Variants in SPAG9 observed in about 807,000 individuals in gnomAD.
SPAG9 encodes C-Jun-amino-terminal kinase-interacting protein 4.
A neutral mutation model predicts 166.5 loss-of-function variants in SPAG9; 35 were observed. That is an observed-to-expected ratio of 0.21 (90% CI 0.16 to 0.28). The LOEUF is 0.28. SPAG9 is among the 10% of genes least tolerant of loss of function. The pLI is 1.00. For synonymous variants in SPAG9, 534 were observed against 565.5 expected, an observed-to-expected ratio of 0.94 and a Z score of 0.79; for missense variants, 1,235 against 1,603.3, an observed-to-expected ratio of 0.77 and a Z score of 3.92.
chr17:51,079,008 T>C (rs1291538348), intron 2 of SPAG9, among the ~76,000 whole-genome samples: 1 of 152,112 alleles, frequency 6.6e-6, no homozygotes, highest in Admixed American at 6.6e-5. Context: ...TAAAGCATAA[T>C]GTTAACTACA....
intron 1 of SPAG9, among the ~76,000 whole-genome samples, chr17:51,086,849 G>T (rs572176850): frequency 6.6e-6 from 1 of 152,286 alleles, no homozygotes; most frequent in South Asian, 2.1e-4. Context: ...TTGAACCCAG[G>T]CGGCAGAAGT....
chr17:50,999,550 A>G (rs2044836671), intron 14 of SPAG9, 111 bp downstream of exon 14: 1 of 1,468,384 alleles, frequency 6.8e-7, no homozygotes, highest in South Asian at 1.3e-5. Context: ...CTAGTTTAAA[A>G]AAAAAAAATG....
chr17:51,003,420 G>A (rs960286076), intron 12 of SPAG9, among the ~76,000 whole-genome samples: 1 of 152,094 alleles, frequency 6.6e-6, no homozygotes, highest in Non-Finnish European at 1.5e-5. Flanking sequence ...ATAGTTATAA[G>A]TTAGTTCCAT....
At chr17:51,049,709 G>A (rs138117881) in intron 3 of SPAG9, among the ~76,000 whole-genome samples, 163 of 152,100 alleles carry the variant, frequency 1.1e-3, no homozygotes, top group African/African-American at 3.4e-3. Flanking sequence ...ACATTCAAGC[G>A]ATTCTGCCTC....
chr17:51,033,151 T>C (rs764227383), intron 5 of SPAG9, among the ~76,000 whole-genome samples: 20 of 152,050 alleles, frequency 1.3e-4, no homozygotes, highest in Admixed American at 2.6e-4. Flanking sequence ...TAGCACGTCA[T>C]ACTTTTTTTG....
At chr17:51,056,374 T>C (rs917435703) in intron 3 of SPAG9, 38 bp downstream of exon 3, 5 of 1,155,290 alleles carry the variant, frequency 4.3e-6, no homozygotes, top group African/African-American at 1.5e-5. Context: ...TTTCTTTGTC[T>C]CAATAATAGC....
intron 6 of SPAG9, among the ~76,000 whole-genome samples, chr17:51,028,424 T>C (rs377072690): frequency 6.6e-6 from 1 of 152,200 alleles, no homozygotes; most frequent in Non-Finnish European, 1.5e-5. Context: ...AAGTGCCCTA[T>C]AGAGGTATAC....
At chr17:50,987,267 CTG>C (rs774061475) in intron 21 of SPAG9, 30 bp from the exon 22 acceptor site, 1 of 1,588,568 alleles carries the variant, frequency 6.3e-7, no homozygotes, top group Non-Finnish European at 8.6e-7. Context: ...GGAAAGAAAT[CTG>C]AGTATACTTA....
At chr17:51,053,397 C>T (rs903013567) in intron 3 of SPAG9, among the ~76,000 whole-genome samples, 2 of 151,370 alleles carry the variant, frequency 1.3e-5, no homozygotes, top group Non-Finnish European at 2.9e-5. Flanking sequence ...TAAAAATTGG[C>T]GTGCACTGGC....
chr17:51,015,204 T>C (rs1367698878), intron 8 of SPAG9, among the ~76,000 whole-genome samples: 1 of 152,030 alleles, frequency 6.6e-6, no homozygotes, highest in Non-Finnish European at 1.5e-5. Context: ...CAGAGAAAGC[T>C]GAAACCTAAG....
chr17:51,016,447 T>C (rs1320329423), intron 8 of SPAG9, among the ~76,000 whole-genome samples: 1 of 152,066 alleles, frequency 6.6e-6, no homozygotes, highest in Non-Finnish European at 1.5e-5. Flanking sequence ...TGCAGGAGAG[T>C]AAGCCCTAGG....
chr17:51,099,781 A>AC (rs1439780773), intron 1 of SPAG9, among the ~76,000 whole-genome samples: 4 of 150,470 alleles, frequency 2.7e-5, no homozygotes, highest in African/African-American at 9.7e-5. Context: ...AAAAAAAAAA[A>AC]AAAAAAAACT....
intron 24 of SPAG9, among the ~76,000 whole-genome samples, chr17:50,983,735 G>A (rs1974823301): frequency 6.6e-6 from 1 of 151,982 alleles, no homozygotes; most frequent in East Asian, 1.9e-4. Context: ...TTAGCTGAGT[G>A]GCCATGAAAA....
chr17:51,013,175 C>T (rs1039017704), intron 9 of SPAG9, among the ~76,000 whole-genome samples: 9 of 152,136 alleles, frequency 5.9e-5, no homozygotes, highest in Admixed American at 2.0e-4. Context: ...ACAAACGAAA[C>T]CTTTTGAGAA....
At chr17:51,077,053 G>GCTATCTAGCTAGCTAGCTAGCTAT (rs1491115048) in intron 2 of SPAG9, among the ~76,000 whole-genome samples, 1 of 113,186 alleles carries the variant, frequency 8.8e-6, no homozygotes, top group African/African-American at 3.8e-5. Context: ...TAGCTATCTA[G>GCTATCTAGCTAGCTAGCTAGCTAT]CTAGCTATCT....
intron 1 of SPAG9, among the ~76,000 whole-genome samples, chr17:51,095,816 A>G (rs1346101183): frequency 2.2e-5 from 3 of 133,722 alleles, no homozygotes; most frequent in South Asian, 4.7e-4. Context: ...AGTGAGATAT[A>G]TATAGGGAGA....
chr17:50,969,258 CA>C (rs1973594072), intron 29 of SPAG9, among the ~76,000 whole-genome samples: 1 of 152,078 alleles, frequency 6.6e-6, no homozygotes, highest in South Asian at 2.1e-4. Context: ...TTCAGAAGCC[CA>C]GTGGAAATTT....
At chr17:51,063,420 A>G (rs2047573642) in intron 2 of SPAG9, among the ~76,000 whole-genome samples, 1 of 151,858 alleles carries the variant, frequency 6.6e-6, no homozygotes, top group African/African-American at 2.4e-5. Context: ...TCAAAAAAAA[A>G]AAAAAAAATT....
At chr17:51,064,666 T>C (rs2099443887) in intron 2 of SPAG9, among the ~76,000 whole-genome samples, 1 of 152,096 alleles carries the variant, frequency 6.6e-6, no homozygotes, top group African/African-American at 2.4e-5. Flanking sequence ...AAAAATTAGA[T>C]TAGTGGTTTT....
Sources: allele counts gnomAD v4.1 joint callset (sites outside exome capture counted in the v4.1 genomes callset), GRCh38; gene constraint gnomAD v4.1.1; transcripts MANE v1.5; gene names NCBI Gene and HGNC (gene_info 2026-07-23, HGNC 2026-07-21).